Variants in SIRPA observed in about 807,000 individuals in gnomAD.
The protein encoded by SIRPA is tyrosine-protein phosphatase non-receptor type substrate 1.
SIRPA carries 9 observed loss-of-function variants against 50.3 expected under a neutral mutation model. The ratio of observed to expected loss-of-function variants is 0.18; its 90% CI spans 0.11 to 0.31. SIRPA has a LOEUF of 0.31. Among genes scored for constraint, SIRPA ranks in the 10% least tolerant of loss-of-function variants. SIRPA has a pLI of 1.00. For synonymous variants in SIRPA, 265 were observed against 284.1 expected, an observed-to-expected ratio of 0.93 and a Z score of 0.68; for missense variants, 474 against 661.6, an observed-to-expected ratio of 0.72 and a Z score of 3.11.
Position 1,933,607 on chromosome 20 carries a change from G to A in SIRPA, c.1227-1108G>A, listed in dbSNP as rs909067834. On this transcript the variant is annotated intron_variant, in intron 6 of 7. Transcript: ENST00000358771. The surrounding 1 kb of genome is among the most constrained non-coding windows in gnomAD (Gnocchi z 4.4). Reference sequence around the variant, plus strand: ...CTGCGTGATCTTCCCCAGCAGACGTGCCCCTGCTCCTGGAGGGTTCTTTCT... The same window carrying A: ...CTGCGTGATCTTCCCCAGCAGACGTACCCCTGCTCCTGGAGGGTTCTTTCT... 6.6e-6 allele frequency among the ~76,000 whole-genome samples: 1 copy of A among 152,198 alleles called. No homozygotes were observed. Among genetic ancestry groups the A allele is most frequent in the Non-Finnish European group, 1.5e-5 (1 of 68,046 alleles).
upstream of SIRPA, chr20:1,894,936 G>T (rs1387092856): frequency 1.4e-5 from 2 of 146,614 alleles, no homozygotes; most frequent in African/African-American, 2.5e-5. The surrounding 1 kb of genome is among the most constrained non-coding windows in gnomAD (Gnocchi z 4.0). Flanking sequence ...GAGCCCAGCC[G>T]CCCGCGCCGT....
At chr20:1,902,725 A>G (rs1425317029) in intron 1 of SIRPA, among the ~76,000 whole-genome samples, 3 of 152,106 alleles carry the variant, frequency 2.0e-5, no homozygotes, top group African/African-American at 4.8e-5. Context: ...AAAATGTACA[A>G]TTAAGGCCAG....
intron 2 of SIRPA, among the ~76,000 whole-genome samples, chr20:1,920,991 C>T (rs1414272855): frequency 6.6e-6 from 1 of 152,262 alleles, no homozygotes; most frequent in Non-Finnish European, 1.5e-5. Flanking sequence ...TTGCTGCTTA[C>T]TCCCTGCACT....
chr20:1,937,450 A>T lies in SIRPA; in HGVS notation c.1397A>T (p.Asp466Val). The T allele has an allele frequency of 1.2e-6, 2 of 1,614,028 alleles. No individual in the cohort carries two copies. The highest frequency in any genetic ancestry group is 1.7e-6 in the Non-Finnish European group (2 of 1,179,982). Residue 466 changes from aspartate (D) to valine (V), a missense_variant, in exon 8 of 8, where the codon GAC (aspartate) becomes GTC (valine). Physicochemically the swap from Asp to Val is radical, Grantham distance 152. Coordinates refer to ENST00000358771, the MANE Select transcript of SIRPA (RefSeq NM_001040023.2). This position sits in a 1 kb window ranked among gnomAD's most constrained non-coding sequence, Gnocchi z 8.3. ...ACCAGCCCGCAGCCCGCGTCGGAGGACACCCTCACCTATGCTGACCTGGAC... is the reference window on the plus strand; with the variant it reads ...ACCAGCCCGCAGCCCGCGTCGGAGGTCACCCTCACCTATGCTGACCTGGAC... ...IQTSPQPASE[D>V]TLTYADLDMV...
chr20:1,896,863 C>A (rs1231863970), intron 1 of SIRPA, among the ~76,000 whole-genome samples: 1 of 148,974 alleles, frequency 6.7e-6, no homozygotes, highest in East Asian at 2.1e-4. Context: ...TCACGTCTCT[C>A]CAGTGAGTGG....
At position 1,912,038 on chromosome 20, in the gene SIRPA, C is replaced by T. The variant is rs377277241; in HGVS notation, c.80-3061C>T. On this transcript the variant is annotated intron_variant, in intron 1 of 7. Coordinates refer to ENST00000358771, the MANE Select transcript of SIRPA (RefSeq NM_001040023.2). ...GCACTTACGTCGCACTTTTAAAATT[C>T]TTCAAACGCTTTATAAACACTAGCT... Among the ~76,000 whole-genome samples, 27 of 152,078 alleles carry T rather than the reference C, an allele frequency of 1.8e-4. No homozygotes were observed. The East Asian group carries it at 4.8e-3, about 27-fold the overall frequency.
chr20:1,935,551 C>T (rs992083736), intron 7 of SIRPA, among the ~76,000 whole-genome samples: 12 of 152,228 alleles, frequency 7.9e-5, no homozygotes, highest in African/African-American at 1.2e-4. Context: ...CCCATGGGGT[C>T]CCCCCGCAGC....
chr20:1,895,258 G>A (rs534093752), upstream of SIRPA: 84 of 439,560 alleles, frequency 1.9e-4, no homozygotes, highest in East Asian at 3.0e-3. Flanking sequence ...CTCCTGGGGG[G>A]CGGGGAGGGG....
At position 1,895,486 on chromosome 20, in the gene SIRPA, G is replaced by A. The variant is rs757862537; in HGVS notation, c.39G>A (p.Pro13=). The A allele has an allele frequency of 9.0e-6, 13 of 1,451,630 alleles. No individual in the cohort carries two copies. In the South Asian group the frequency reaches 1.8e-4, roughly 20 times the overall value. The allele number at this position is 1,451,630 out of a possible 1,614,324, so 89.9% of individuals were successfully genotyped here. ...GCCCGGCCCCCGGCCGCCTCGGGCC[G>A]CTGCTCTGCCTGCTGCTCGCCGCGT... ...PAGPAPGRLG[P]LLCLLLAASC... The change falls in exon 1 of 8, where the codon CCG becomes CCA. Residue 13 remains proline, a synonymous_variant. Transcript: ENST00000358771.
At chr20:1,895,356 G>A (rs932684716), upstream of SIRPA, 31 of 753,452 alleles carry the variant, frequency 4.1e-5, no homozygotes, top group African/African-American at 4.6e-4. Flanking sequence ...GGGGGGAAGG[G>A]GGGGAGCCTT....
At chr20:1,901,149 T>C (rs1329722496) in intron 1 of SIRPA, among the ~76,000 whole-genome samples, 10 of 148,706 alleles carry the variant, frequency 6.7e-5, no homozygotes, top group Admixed American at 2.0e-4. Flanking sequence ...TGTTTTTTCT[T>C]CCTTTCTTTC....
intron 6 of SIRPA, among the ~76,000 whole-genome samples, chr20:1,930,231 T>C (rs1012686623): frequency 2.0e-5 from 3 of 152,130 alleles, no homozygotes; most frequent in African/African-American, 7.2e-5. Context: ...TCCTCCAGGG[T>C]CGGAGGGCTT....
chr20:1,927,972 C>T lies in SIRPA; in HGVS notation c.1226+73C>T. On this transcript the variant is annotated intron_variant, in intron 6 of 7. Coordinates refer to ENST00000358771, the MANE Select transcript of SIRPA (RefSeq NM_001040023.2). The surrounding 1 kb of genome is among the most constrained non-coding windows in gnomAD (Gnocchi z 6.5). ...TTTGACAGCCCCCCAGACTACAAAGCATAATCCATGTCCACTGACCTCACC... is the reference window on the plus strand; with the variant it reads ...TTTGACAGCCCCCCAGACTACAAAGTATAATCCATGTCCACTGACCTCACC... The T allele has an allele frequency of 7.7e-7, 1 of 1,304,450 alleles. No individual in the cohort carries two copies. The highest frequency in any genetic ancestry group is 1.2e-5 in the South Asian group (1 of 84,766). 80.8% of individuals were successfully genotyped at this position (1,304,450 alleles called of 1,614,324 possible). A position where few individuals can be genotyped will look rare whatever the true frequency, so the allele number is the denominator to read the frequency against.
At chr20:1,922,071 A>G (rs1985693445) in intron 3 of SIRPA, among the ~76,000 whole-genome samples, 1 of 152,192 alleles carries the variant, frequency 6.6e-6, no homozygotes. Context: ...GGTGGTGCTT[A>G]TAGATTTCCC....
chr20:1,905,893 C>G (rs916575796), intron 1 of SIRPA, among the ~76,000 whole-genome samples: 1 of 152,244 alleles, frequency 6.6e-6, no homozygotes, highest in African/African-American at 2.4e-5. Flanking sequence ...CCCGCTGCCT[C>G]CTTGCCAGCA....
At position 1,931,984 on chromosome 20, in the gene SIRPA, C is replaced by T. The variant is rs189598312; in HGVS notation, c.1227-2731C>T. Among the ~76,000 whole-genome samples, 5 of 152,262 alleles carry T rather than the reference C, an allele frequency of 3.3e-5. No homozygotes were observed. In the East Asian group the frequency reaches 9.6e-4, roughly 29 times the overall value. On this transcript the variant is annotated intron_variant, in intron 6 of 7. Transcript: ENST00000358771. Reference sequence around the variant, plus strand: ...GCCTAACTCAGTGCCAAGCCTTGAGCAGAGGGTTGCAAAGGGGAGCAGAAA... The same window carrying T: ...GCCTAACTCAGTGCCAAGCCTTGAGTAGAGGGTTGCAAAGGGGAGCAGAAA...
intron 5 of SIRPA, among the ~76,000 whole-genome samples, chr20:1,926,906 C>T (rs146060472): frequency 6.6e-6 from 1 of 152,342 alleles, no homozygotes; most frequent in African/African-American, 2.4e-5. Context: ...GATTTCAACT[C>T]AACCACTACC....
chr20:1,899,134 C>T (rs1260372665), intron 1 of SIRPA, among the ~76,000 whole-genome samples: 1 of 151,898 alleles, frequency 6.6e-6, no homozygotes, highest in African/African-American at 2.4e-5. Flanking sequence ...GCTCAGATTT[C>T]TGGCCTGTCA....
At chr20:1,895,837 G>A (rs975819023) in intron 1 of SIRPA, among the ~76,000 whole-genome samples, 1 of 152,204 alleles carries the variant, frequency 6.6e-6, no homozygotes, top group Non-Finnish European at 1.5e-5. Context: ...GTCCAATGGG[G>A]AAGGCTGACT....
Sources: allele counts gnomAD v4.1 joint callset (sites outside exome capture counted in the v4.1 genomes callset), GRCh38; gene constraint gnomAD v4.1.1; non-coding constraint Gnocchi (gnomAD v3.1); transcripts MANE v1.5; gene names NCBI Gene and HGNC (gene_info 2026-07-23, HGNC 2026-07-21).